LOC400499: variants seen among roughly 807,000 people sequenced by gnomAD.
the LOC400499 span, among the ~76,000 whole-genome samples, chr16:11,417,990 T>G: frequency 6.6e-6 from 1 of 152,104 alleles, no homozygotes; most frequent in African/African-American, 2.4e-5. Context: ...AGGAGCAGGT[T>G]TGATGACCAA....
chr16:11,510,092 C>G, the LOC400499 span, among the ~76,000 whole-genome samples: 1 of 151,448 alleles, frequency 6.6e-6, no homozygotes, highest in Admixed American at 6.6e-5. Context: ...CAGAAACTGC[C>G]CTCTGCTCTA....
chr16:11,519,186 A>C, the LOC400499 span, among the ~76,000 whole-genome samples: 3 of 152,200 alleles, frequency 2.0e-5, no homozygotes, highest in African/African-American at 7.2e-5. Flanking sequence ...CTCCCTGCTA[A>C]ACGTCTGGAA....
chr16:11,487,784 A>G, the LOC400499 span, among the ~76,000 whole-genome samples: 26,438 of 152,146 alleles, frequency 0.17, 2,433 homozygotes, highest in African/African-American at 0.19. Flanking sequence ...CACAATTCAC[A>G]GCCCTCAGCA....
the LOC400499 span, chr16:11,391,852 C>G: frequency 3.3e-6 from 4 of 1,227,980 alleles, no homozygotes; most frequent in Non-Finnish European, 4.1e-6. Flanking sequence ...AGGGTGCCTG[C>G]CGGCTGCACC....
At chr16:11,515,061 T>A in the LOC400499 span, among the ~76,000 whole-genome samples, 48 of 152,088 alleles carry the variant, frequency 3.2e-4, no homozygotes, top group Non-Finnish European at 5.0e-4. Context: ...GTTCCAGCAC[T>A]TGGGGAAGCC....
chr16:11,515,483 ATACATACATACATACGTACG>A, the LOC400499 span, among the ~76,000 whole-genome samples: 28 of 144,826 alleles, frequency 1.9e-4, no homozygotes, highest in African/African-American at 7.5e-4. Context: ...ACGTACGTAC[ATACATACATACATACGTACG>A]TACATACATA....
chr16:11,385,501 G>A, the LOC400499 span: 1 of 962,454 alleles, frequency 1.0e-6, no homozygotes, highest in Non-Finnish European at 1.3e-6. Context: ...GGGTGCCCCG[G>A]ATGCCTAGAG....
the LOC400499 span, chr16:11,450,798 T>C: frequency 1.6e-4 from 251 of 1,534,234 alleles, no homozygotes; most frequent in Non-Finnish European, 2.1e-4. Flanking sequence ...CCATCAGCCA[T>C]GGACTATCCA....
the LOC400499 span, among the ~76,000 whole-genome samples, chr16:11,526,540 G>GT: frequency 6.6e-6 from 1 of 152,178 alleles, no homozygotes; most frequent in East Asian, 1.9e-4. Flanking sequence ...GAAATATGTC[G>GT]TAAGTATAAA....
the LOC400499 span, chr16:11,460,376 G>A: frequency 2.3e-6 from 3 of 1,332,972 alleles, no homozygotes; most frequent in Non-Finnish European, 2.0e-6. Context: ...ATGTGATTGT[G>A]AGCAAGTCCA....
the LOC400499 span, chr16:11,462,264 C>A: frequency 6.6e-7 from 1 of 1,521,586 alleles, no homozygotes; most frequent in South Asian, 1.2e-5. Context: ...TGGAACCGCT[C>A]AGCCTCGCCA....
the LOC400499 span, chr16:11,469,052 G>A: frequency 2.5e-6 from 1 of 397,712 alleles, no homozygotes; most frequent in Middle Eastern, 6.3e-4. Flanking sequence ...TTGTTAACTG[G>A]CAGGTAGAAA....
the LOC400499 span, among the ~76,000 whole-genome samples, chr16:11,526,079 G>A: frequency 6.6e-6 from 1 of 152,138 alleles, no homozygotes; most frequent in Non-Finnish European, 1.5e-5. Flanking sequence ...AGTACCTATA[G>A]CATGCCAGAC....
At chr16:11,443,653 T>G in the LOC400499 span, among the ~76,000 whole-genome samples, 5 of 151,976 alleles carry the variant, frequency 3.3e-5, no homozygotes, top group Non-Finnish European at 7.4e-5. Flanking sequence ...AACGCTACAT[T>G]GTAATCGTCA....
At chr16:11,404,330 C>T in the LOC400499 span, among the ~76,000 whole-genome samples, 1 of 152,164 alleles carries the variant, frequency 6.6e-6, no homozygotes, top group Non-Finnish European at 1.5e-5. Context: ...GCCTAGATTA[C>T]ACCTGGGATA....
the LOC400499 span, among the ~76,000 whole-genome samples, chr16:11,394,403 G>A: frequency 6.6e-6 from 1 of 152,330 alleles, no homozygotes; most frequent in Non-Finnish European, 1.5e-5. Flanking sequence ...CAGCTAACAA[G>A]CTGTGCACCC....
At chr16:11,385,888 T>G in the LOC400499 span, among the ~76,000 whole-genome samples, 1 of 152,060 alleles carries the variant, frequency 6.6e-6, no homozygotes, top group East Asian at 1.9e-4. Context: ...AATTCACACA[T>G]CGGCCAGGCA....
At chr16:11,393,993 C>T in the LOC400499 span, among the ~76,000 whole-genome samples, 4 of 152,180 alleles carry the variant, frequency 2.6e-5, no homozygotes, top group Non-Finnish European at 5.9e-5. Flanking sequence ...GAGCCCAACC[C>T]AGCAGCAGCC....
At chr16:11,447,054 C>G in the LOC400499 span, 2 of 977,148 alleles carry the variant, frequency 2.0e-6, no homozygotes, top group African/African-American at 3.3e-5. Context: ...CATCAGGACA[C>G]CTGGCAGCCC....
Sources: gnomAD v4.1 joint callset for allele counts (sites outside exome capture counted in the v4.1 genomes callset) on GRCh38, gnomAD v4.1.1 for gene constraint, MANE v1.5 for transcripts.